The following CPEB3 variants were observed in gnomAD, a reference collection of about 807,000 sequenced individuals.
The protein encoded by CPEB3 is cytoplasmic polyadenylation element-binding protein 3.
CPEB3 carries 20 observed loss-of-function variants against 67.2 expected under a neutral mutation model. That is an observed-to-expected ratio of 0.30 (90% CI 0.21 to 0.43). The LOEUF is 0.43. Among genes scored for constraint, CPEB3 ranks in the 20% least tolerant of loss-of-function variants. The pLI is 1.00. For synonymous variants in CPEB3, 376 were observed against 393.1 expected (o/e 0.96, Z 0.51); for missense variants, 746 against 968.6 (o/e 0.77, Z 3.05).
chr10:92,250,027 T>A lies in CPEB3; in HGVS notation c.-11-9666A>T, dbSNP rs183556630. On this transcript the variant is annotated intron_variant, in intron 1 of 9. Transcript: ENST00000265997. ...ACAGAGTGAGACTCCATCTCATATA[T>A]ATATATATATATGTTATATAGCTAT... Among the ~76,000 whole-genome samples, 274 of 150,718 alleles carry A rather than the reference T, an allele frequency of 1.8e-3. 1 individual carries two copies. The highest frequency in any genetic ancestry group is 6.5e-3 in the African/African-American group (267 of 41,206).
At chr10:92,265,434 C>T (rs11186883) in intron 1 of CPEB3, among the ~76,000 whole-genome samples, 2 of 152,092 alleles carry the variant, frequency 1.3e-5, no homozygotes, top group African/African-American at 4.8e-5. Flanking sequence ...TTCAATTAGT[C>T]TTAGCCTTAT....
At chr10:92,099,238 T>C (rs1844052772) in intron 7 of CPEB3, among the ~76,000 whole-genome samples, 1 of 132,714 alleles carries the variant, frequency 7.5e-6, no homozygotes. Context: ...TTTTTTTTTT[T>C]GAGACAGGGT....
chr10:92,051,495 G>A lies in CPEB3; in HGVS notation c.*717C>T, dbSNP rs1168115147. On this transcript the variant is annotated 3_prime_UTR_variant, in exon 10 of 10. Coordinates refer to ENST00000265997, the MANE Select transcript of CPEB3 (RefSeq NM_014912.5). ...ATCCTAGCCTGAATAGAGTATTATGGTATTAATAATACCATTTTAATAGCA... is the reference window on the plus strand; with the variant it reads ...ATCCTAGCCTGAATAGAGTATTATGATATTAATAATACCATTTTAATAGCA... 2 of 152,398 alleles carry A rather than the reference G, an allele frequency of 1.3e-5. No individual in the cohort carries two copies. Among genetic ancestry groups the A allele is most frequent in the East Asian group, 1.9e-4 (1 of 5,188 alleles). 9.4% of individuals were successfully genotyped at this position (152,398 alleles called of 1,614,324 possible).
intron 7 of CPEB3, among the ~76,000 whole-genome samples, chr10:92,093,664 G>A (rs138599645): frequency 5.6e-4 from 85 of 151,880 alleles, no homozygotes; most frequent in African/African-American, 1.9e-3. Context: ...CATCATGCCC[G>A]GTTAATTTTT....
chr10:92,129,034 T>C (rs570258664), intron 6 of CPEB3, among the ~76,000 whole-genome samples: 20 of 152,338 alleles, frequency 1.3e-4, no homozygotes, highest in African/African-American at 4.3e-4. Context: ...TAAAGACACA[T>C]GCACATGTGT....
At position 92,239,700 on chromosome 10, in the gene CPEB3, G is replaced by T; in HGVS notation, c.651C>A (p.Thr217=). 1 of 1,568,158 alleles carries T rather than the reference G, an allele frequency of 6.4e-7. No individual in the cohort carries two copies. The change falls in exon 2 of 10, where the codon ACC becomes ACA. Residue 217 remains threonine (T), a synonymous_variant. Transcript: ENST00000265997. The surrounding 1 kb of genome is among the most constrained non-coding windows in gnomAD (Gnocchi z 6.0). ...CCGCCGAAGACGAGGACGGCTTGCT[G>T]GTCATGATGGGCTGGTGGCCGTACG... ...AAAYGHQPIM[T]SKPSSSSAVA...
intron 2 of CPEB3, among the ~76,000 whole-genome samples, chr10:92,213,878 T>C (rs1850215349): frequency 6.6e-6 from 1 of 152,170 alleles, no homozygotes; most frequent in Admixed American, 6.6e-5. Context: ...TACCCTGCCA[T>C]TTTGACTGCA....
chr10:92,170,234 ATACT>A (rs1847939413), intron 4 of CPEB3, among the ~76,000 whole-genome samples: 1 of 152,244 alleles, frequency 6.6e-6, no homozygotes, highest in African/African-American at 2.4e-5. Flanking sequence ...GTGTCCCCAC[ATACT>A]TAGTATTAAT....
intron 2 of CPEB3, among the ~76,000 whole-genome samples, chr10:92,215,077 A>AC (rs1428451162): frequency 6.6e-6 from 1 of 151,078 alleles, no homozygotes; most frequent in Non-Finnish European, 1.5e-5. Flanking sequence ...CAAACTCCTG[A>AC]CCTCAAGTGA....
At chr10:92,184,585 T>C (rs61875208) in intron 3 of CPEB3, among the ~76,000 whole-genome samples, 36,208 of 151,978 alleles carry the variant, frequency 0.24, 4,960 homozygotes, top group Middle Eastern at 0.34. Context: ...AGCCTGGAGA[T>C]AGAGCAAGAC....
chr10:92,190,717 CAG>C (rs1848938188), intron 3 of CPEB3, among the ~76,000 whole-genome samples: 2 of 134,822 alleles, frequency 1.5e-5, no homozygotes, highest in African/African-American at 5.4e-5. Context: ...GAGGAAAAAC[CAG>C]ATAGTAGAGG....
chr10:92,223,957 T>G (rs149936608), intron 2 of CPEB3, among the ~76,000 whole-genome samples: 1 of 152,040 alleles, frequency 6.6e-6, no homozygotes, highest in African/African-American at 2.4e-5. Context: ...CCATGTTGGC[T>G]AGGTTGGTCT....
intron 7 of CPEB3, among the ~76,000 whole-genome samples, chr10:92,106,801 C>A (rs1844480085): frequency 2.2e-5 from 1 of 45,370 alleles, no homozygotes; most frequent in Non-Finnish European, 3.9e-5. Context: ...GGCAAAAGAG[C>A]AAGACTCTGT....
chr10:92,156,272 T>C (rs950960098), intron 4 of CPEB3, among the ~76,000 whole-genome samples: 2 of 152,046 alleles, frequency 1.3e-5, no homozygotes, highest in Non-Finnish European at 2.9e-5. Context: ...GGGTGACCTG[T>C]ATGGCCAGAG....
Position 92,052,416 on chromosome 10 carries a change from C to T in CPEB3, c.1893G>A (p.Leu631=), listed in dbSNP as rs148506777. 8.3e-5 allele frequency: 134 copies of T among 1,613,244 alleles called. No homozygotes were observed. The highest frequency in any genetic ancestry group is 1.1e-4 in the Non-Finnish European group (131 of 1,179,334). The change falls in exon 10 of 10, where the codon CTG becomes CTA. Residue 631 remains leucine (L), a synonymous_variant. Coordinates refer to ENST00000265997, the MANE Select transcript of CPEB3 (RefSeq NM_014912.5). ...GGCACTCATCACACATCTGATCATC[C>T]AGCACATATGGCTTTACTTCAACCT... The part of the protein sequence containing the change: ...DKRVEVKPYV[L]DDQMCDECQG...
At chr10:92,109,043 T>G (rs147779186) in intron 7 of CPEB3, among the ~76,000 whole-genome samples, 1 of 152,328 alleles carries the variant, frequency 6.6e-6, no homozygotes, top group Non-Finnish European at 1.5e-5. Flanking sequence ...CTCTAGCTTC[T>G]TAACCTGCAT....
chr10:92,149,153 G>A (rs2767654), intron 4 of CPEB3, among the ~76,000 whole-genome samples: 103,337 of 152,104 alleles, frequency 0.68, 36,965 homozygotes, highest in African/African-American at 0.91. Context: ...TGCCTGTCTC[G>A]GCCTCCCAAC....
intron 9 of CPEB3, among the ~76,000 whole-genome samples, chr10:92,058,831 A>G (rs1337975465): frequency 6.6e-6 from 1 of 152,110 alleles, no homozygotes; most frequent in Non-Finnish European, 1.5e-5. Flanking sequence ...GATCTAACAG[A>G]TATTTATAGA....
intron 1 of CPEB3, among the ~76,000 whole-genome samples, chr10:92,251,561 C>A (rs779489858): frequency 2.6e-5 from 4 of 152,060 alleles, no homozygotes; most frequent in African/African-American, 9.7e-5. Context: ...AAAGACGAAG[C>A]AGTAATGAAA....
Sources: gnomAD v4.1 joint callset for allele counts (sites outside exome capture counted in the v4.1 genomes callset) on GRCh38, gnomAD v4.1.1 for gene constraint, Gnocchi (gnomAD v3.1) non-coding constraint, MANE v1.5 for transcripts, NCBI Gene and HGNC (gene_info 2026-07-23, HGNC 2026-07-21) for gene names.